BLOC1S3: variants seen among roughly 807,000 people sequenced by gnomAD.
BLOC1S3 encodes biogenesis of lysosome-related organelles complex 1 subunit 3.
BLOC1S3 carries 7 observed loss-of-function variants against 9.1 expected under a neutral mutation model. The observed-to-expected ratio is 0.77, with a 90% CI of 0.44 to 1.45. The LOEUF (loss-of-function observed/expected upper bound fraction) is 1.45. Ranked by LOEUF, BLOC1S3 falls within the 40% of genes most tolerant of loss-of-function variation. The pLI is 0.01. For synonymous variants in BLOC1S3, 145 were observed against 158.4 expected (o/e 0.92, Z 0.64); for missense variants, 307 against 315.2 (o/e 0.97, Z 0.20).
chr19:45,182,056 C>A (rs1205420324), downstream of BLOC1S3, among the ~76,000 whole-genome samples: 1 of 152,194 alleles, frequency 6.6e-6, no homozygotes, highest in East Asian at 1.9e-4. Flanking sequence ...ACAGAGGTCG[C>A]AGTCCAGTGG....
intron 2 of BLOC1S3, among the ~76,000 whole-genome samples, chr19:45,193,158 AAAG>A: frequency 1.4e-5 from 2 of 146,998 alleles, no homozygotes; most frequent in African/African-American, 2.7e-5. Context: ...AAAAAAAAAA[AAAG>A]AGACTATTTT....
chr19:45,212,194 C>G (rs1793829528), intron 3 of BLOC1S3, among the ~76,000 whole-genome samples: 2 of 152,324 alleles, frequency 1.3e-5, no homozygotes, highest in South Asian at 4.1e-4. Flanking sequence ...AGCCACACAG[C>G]CAGGAGGTGT....
At chr19:45,178,858 C>G (rs907519636) in intron 1 of BLOC1S3, 27 bp downstream of exon 1, 1 of 165,776 alleles carries the variant, frequency 6.0e-6, no homozygotes, top group Admixed American at 6.4e-5. Context: ...TAGCGCTTCT[C>G]CCATCCCATG....
At chr19:45,212,252 A>T (rs1475599578) in intron 3 of BLOC1S3, among the ~76,000 whole-genome samples, 1 of 152,120 alleles carries the variant, frequency 6.6e-6, no homozygotes, top group Admixed American at 6.6e-5. Flanking sequence ...CTCTACCTCC[A>T]CTACCCTGCC....
chr19:45,189,802 C>T (rs911945549), intron 2 of BLOC1S3, among the ~76,000 whole-genome samples: 4 of 151,922 alleles, frequency 2.6e-5, no homozygotes, highest in Non-Finnish European at 5.9e-5. Flanking sequence ...TACCGATATC[C>T]TTCTGTAGAT....
Position 45,179,227 on chromosome 19 carries a change from T to TG in BLOC1S3, c.-9-60dup, listed in dbSNP as rs1236183879. The TG allele has an allele frequency of 7.0e-7, 1 of 1,431,586 alleles. No homozygotes were observed. Among genetic ancestry groups the TG allele is most frequent in the African/African-American group, 1.5e-5 (1 of 67,076 alleles). 88.7% of individuals were successfully genotyped at this position (1,431,586 alleles called of 1,614,324 possible). On this transcript the variant is annotated intron_variant, in intron 1 of 1. Coordinates refer to ENST00000433642, the MANE Select transcript of BLOC1S3 (RefSeq NM_212550.5). This position sits in a 1 kb window ranked among gnomAD's most constrained non-coding sequence, Gnocchi z 4.6. ...GCGAAGGGGCTGGGAATCCAGGACC[T>TG]GCGCCTTTTACCCACCGCGGCGCCG...
Position 45,179,356 on chromosome 19 carries a change from G to A in BLOC1S3, c.60G>A (p.Gly20=), listed in dbSNP as rs1479436245. 1 of 1,586,588 alleles carries A rather than the reference G, an allele frequency of 6.3e-7. No homozygotes were observed. The highest frequency in any genetic ancestry group is 1.7e-4 in the Middle Eastern group (1 of 6,000). ...GGAGGCCGGAGACGGTGGTGCCGGGGGAGGCGACCGAGACGGATTCCGAGC... is the reference window on the plus strand; with the variant it reads ...GGAGGCCGGAGACGGTGGTGCCGGGAGAGGCGACCGAGACGGATTCCGAGC... The part of the protein sequence containing the change: ...PLRRPETVVP[G]EATETDSERS... Residue 20 remains glycine (G), a synonymous_variant, in exon 2 of 2, where the codon GGG becomes GGA. Coordinates refer to ENST00000433642, the MANE Select transcript of BLOC1S3 (RefSeq NM_212550.5). The surrounding 1 kb of genome is among the most constrained non-coding windows in gnomAD (Gnocchi z 4.6).
chr19:45,208,968 G>A (rs1842532458), intron 3 of BLOC1S3, among the ~76,000 whole-genome samples: 1 of 152,070 alleles, frequency 6.6e-6, no homozygotes, highest in African/African-American at 2.4e-5. Flanking sequence ...TGGGGAGACG[G>A]TGGTCAAAGG....
chr19:45,198,449 G>A (rs75584162), intron 2 of BLOC1S3, among the ~76,000 whole-genome samples: 52 of 151,990 alleles, frequency 3.4e-4, no homozygotes, highest in African/African-American at 1.1e-3. Context: ...CCGCCACCAC[G>A]CTCAGCTAAC....
chr19:45,201,675 G>A (rs1315918837), intron 2 of BLOC1S3, among the ~76,000 whole-genome samples: 3 of 152,140 alleles, frequency 2.0e-5, no homozygotes, highest in Admixed American at 2.0e-4. Context: ...GGCTGAGCTG[G>A]CACCCAAGCC....
chr19:45,203,422 C>T (rs892750886), intron 3 of BLOC1S3, among the ~76,000 whole-genome samples: 7 of 151,944 alleles, frequency 4.6e-5, no homozygotes, highest in South Asian at 2.1e-4. Context: ...TACAGGCGTG[C>T]GCCACCATTC....
In BLOC1S3 at chr19:45,179,485, C is replaced by T. The variant is rs1424849936; in HGVS notation, c.189C>T (p.Thr63=). 2.6e-6 allele frequency: 4 copies of T among 1,522,978 alleles called. No homozygotes were observed. Among genetic ancestry groups the T allele is most frequent in the African/African-American group, 1.4e-5 (1 of 71,114 alleles). 94.3% of individuals were successfully genotyped at this position (1,522,978 alleles called of 1,614,324 possible). The change falls in exon 2 of 2, where the codon ACC becomes ACT. Residue 63 remains threonine, a synonymous_variant. Coordinates refer to ENST00000433642, the MANE Select transcript of BLOC1S3 (RefSeq NM_212550.5). This position sits in a 1 kb window ranked among gnomAD's most constrained non-coding sequence, Gnocchi z 4.6. ...GGGTGGCTGGGGAAGCCGCGGAGACCGACTCGGAGCCGGAGCCGGAGCCGG... is the reference window on the plus strand; with the variant it reads ...GGGTGGCTGGGGAAGCCGCGGAGACTGACTCGGAGCCGGAGCCGGAGCCGG... ...GLRVAGEAAE[T]DSEPEPEPEP...
rs534453791 is a variant in BLOC1S3 at position 45,195,390 on chromosome 19, A to G, written n.181-7016A>G. ...CCCAGTTACTTTTTGTAATTTTACC[A>G]GAGACGGGGTTTTGGAATGTTGCCC... is the stretch of plus-strand genomic sequence containing the variant. On this transcript the variant is annotated intron_variant and non_coding_transcript_variant, in intron 2 of 3. Transcript: ENST00000591569. Among the ~76,000 whole-genome samples, 3 of 151,894 alleles carry G rather than the reference A, an allele frequency of 2.0e-5. No individual in the cohort carries two copies. The South Asian group carries it at 6.2e-4, about 32-fold the overall frequency.
chr19:45,208,433 G>A (rs946393279), intron 3 of BLOC1S3, among the ~76,000 whole-genome samples: 2 of 151,420 alleles, frequency 1.3e-5, no homozygotes, highest in African/African-American at 4.9e-5. Flanking sequence ...ATGGCAAAAC[G>A]CTGTCTCTGC....
chr19:45,199,309 C>CTTT (rs34967306), intron 2 of BLOC1S3, among the ~76,000 whole-genome samples: 148 of 72,496 alleles, frequency 2.0e-3, no homozygotes, highest in East Asian at 2.8e-3. Context: ...GTGCCTTATT[C>CTTT]TTTTTTTTTT....
chr19:45,199,231 A>G (rs1298825544), intron 2 of BLOC1S3, among the ~76,000 whole-genome samples: 1 of 148,714 alleles, frequency 6.7e-6, no homozygotes, highest in Non-Finnish European at 1.5e-5. Context: ...CAATCTCTCT[A>G]CTTTCTCTTT....
intron 3 of BLOC1S3, among the ~76,000 whole-genome samples, chr19:45,207,419 C>A: frequency 6.6e-6 from 1 of 151,970 alleles, no homozygotes; most frequent in African/African-American, 2.4e-5. Flanking sequence ...AGGCGTGAGC[C>A]ACCGCGCCTC....
At chr19:45,213,890 GT>G (rs1171876053) in intron 3 of BLOC1S3, among the ~76,000 whole-genome samples, 1 of 151,902 alleles carries the variant, frequency 6.6e-6, no homozygotes, top group African/African-American at 2.4e-5. Context: ...GGAGGCAGAG[GT>G]TGCAGTGAGC....
chr19:45,184,892 T>C (rs1969554299), downstream of BLOC1S3, among the ~76,000 whole-genome samples: 1 of 89,800 alleles, frequency 1.1e-5, no homozygotes, highest in South Asian at 3.8e-4. Context: ...AGAGCGAGAC[T>C]CTGTCTCAAA....
Sources: gnomAD v4.1 joint callset for allele counts (sites outside exome capture counted in the v4.1 genomes callset) on GRCh38, gnomAD v4.1.1 for gene constraint, Gnocchi (gnomAD v3.1) non-coding constraint, MANE v1.5 for transcripts, NCBI Gene and HGNC (gene_info 2026-07-23, HGNC 2026-07-21) for gene names.